SMYD3: variants seen among roughly 807,000 people sequenced by gnomAD.
The protein encoded by SMYD3 is histone-lysine N-methyltransferase SMYD3.
SMYD3 carries 36 observed loss-of-function variants against 57.7 expected under a neutral mutation model. The observed-to-expected ratio is 0.62, with a 90% confidence interval of 0.48 to 0.82. The LOEUF is 0.82. SMYD3 is among the 40% of genes least tolerant of loss of function. The pLI, the probability that SMYD3 is intolerant of heterozygous loss-of-function variation, is 0.00. For synonymous variants in SMYD3, 211 were observed against 195.0 expected (o/e 1.08, Z -0.68); for missense variants, 515 against 538.8 (o/e 0.96, Z 0.44).
At chr1:246,366,506 G>A (rs968978820) in intron 1 of SMYD3, among the ~76,000 whole-genome samples, 1 of 151,640 alleles carries the variant, frequency 6.6e-6, no homozygotes, top group South Asian at 2.1e-4. Context: ...GGGCAGCAGT[G>A]AGAGGGAACA....
chr1:246,299,541 C>A (rs2064856068), intron 5 of SMYD3, among the ~76,000 whole-genome samples: 1 of 152,110 alleles, frequency 6.6e-6, no homozygotes, highest in African/African-American at 2.4e-5. Flanking sequence ...ACATGCACAT[C>A]TATGTTCATC....
At chr1:246,250,913 A>G (rs934595773) in intron 5 of SMYD3, among the ~76,000 whole-genome samples, 1 of 152,184 alleles carries the variant, frequency 6.6e-6, no homozygotes, top group Non-Finnish European at 1.5e-5. Context: ...AATTTACTTC[A>G]CTCAATCCTA....
At chr1:246,499,737 T>G (rs955142649) in intron 1 of SMYD3, among the ~76,000 whole-genome samples, 2 of 152,172 alleles carry the variant, frequency 1.3e-5, no homozygotes, top group Middle Eastern at 3.2e-3. Context: ...ATTACAGGTG[T>G]GAGCCACCAC....
chr1:246,245,782 A>G (rs1245548588), intron 5 of SMYD3, among the ~76,000 whole-genome samples: 1 of 152,182 alleles, frequency 6.6e-6, no homozygotes, highest in Non-Finnish European at 1.5e-5. Context: ...GAACCACTAA[A>G]GGCCTTGTTC....
At chr1:246,421,162 T>A (rs180981519) in intron 1 of SMYD3, among the ~76,000 whole-genome samples, 3 of 152,338 alleles carry the variant, frequency 2.0e-5, no homozygotes, top group East Asian at 3.9e-4. Context: ...AAACAACAGA[T>A]GTTTAAGGAA....
At chr1:245,912,071 C>T (rs1179328104) in intron 8 of SMYD3, among the ~76,000 whole-genome samples, 1 of 152,000 alleles carries the variant, frequency 6.6e-6, no homozygotes. Context: ...ATCACATTGT[C>T]CTCCCTTTGC....
chr1:246,146,820 G>T (rs539908157), intron 5 of SMYD3, among the ~76,000 whole-genome samples: 2 of 152,278 alleles, frequency 1.3e-5, no homozygotes, highest in Admixed American at 1.3e-4. Flanking sequence ...TGGCAGAAGA[G>T]AAGAAAGAAA....
chr1:246,134,864 T>C (rs1052435358), intron 5 of SMYD3, among the ~76,000 whole-genome samples: 4 of 151,942 alleles, frequency 2.6e-5, no homozygotes, highest in African/African-American at 9.7e-5. Context: ...ATATCTATTT[T>C]TAAAGTGTGC....
intron 1 of SMYD3, among the ~76,000 whole-genome samples, chr1:246,404,526 T>C (rs377574253): frequency 6.6e-6 from 1 of 152,172 alleles, no homozygotes; most frequent in East Asian, 1.9e-4. Context: ...TATGTCTATA[T>C]CTGCTTGCAG....
chr1:245,834,018 G>A (rs1317017695), intron 10 of SMYD3, among the ~76,000 whole-genome samples: 1 of 152,208 alleles, frequency 6.6e-6, no homozygotes, highest in Non-Finnish European at 1.5e-5. Flanking sequence ...ACATCCTGCA[G>A]TAACCTTATT....
Position 246,505,908 on chromosome 1 carries a change from CA to C in SMYD3, c.164+1145del, listed in dbSNP as rs1158880478. 2.0e-5 allele frequency among the ~76,000 whole-genome samples: 3 copies of C among 152,190 alleles called. No individual in the cohort carries two copies. In the East Asian group the frequency reaches 5.8e-4, roughly 29 times the overall value. The stretch of plus-strand genomic sequence containing the variant: ...GAATTGTTTTCAACCACACAGTTTA[CA>C]AAAACTTCAAGATGCTGCTCTCTCC... On this transcript the variant is annotated intron_variant, in intron 1 of 11. Transcript: ENST00000490107.
At chr1:246,266,722 G>A (rs1180431097) in intron 5 of SMYD3, among the ~76,000 whole-genome samples, 4 of 152,106 alleles carry the variant, frequency 2.6e-5, no homozygotes, top group Admixed American at 6.5e-5. Context: ...ACTGGGACCC[G>A]GGAGGTGGAG....
chr1:245,907,108 G>A (rs2054617764), intron 8 of SMYD3, among the ~76,000 whole-genome samples: 1 of 152,102 alleles, frequency 6.6e-6, no homozygotes, highest in Middle Eastern at 3.2e-3. Context: ...TGGTTAATGG[G>A]GACAACAGAA....
At chr1:245,813,022 T>A (rs2048572402) in intron 10 of SMYD3, among the ~76,000 whole-genome samples, 1 of 125,262 alleles carries the variant, frequency 8.0e-6, no homozygotes, top group Admixed American at 8.6e-5. Context: ...TTTTTTTTTT[T>A]TTTTTTTTTT....
chr1:245,823,351 GCTCTCGCTCT>G (rs1443072666), intron 10 of SMYD3, among the ~76,000 whole-genome samples: 1 of 65,072 alleles, frequency 1.5e-5, no homozygotes, highest in African/African-American at 2.9e-5. Flanking sequence ...GTGCTTGCTC[GCTCTCGCTCT>G]CTCTCTCTCT....
intron 5 of SMYD3, chr1:246,326,204 C>A: frequency 6.8e-6 from 3 of 439,390 alleles, no homozygotes; most frequent in East Asian, 3.5e-5. Flanking sequence ...CGTGTGCTTA[C>A]AAATTACAAA....
chr1:246,222,153 T>G (rs1047412279), intron 5 of SMYD3, among the ~76,000 whole-genome samples: 1 of 152,160 alleles, frequency 6.6e-6, no homozygotes, highest in Non-Finnish European at 1.5e-5. Flanking sequence ...ATATCCACTG[T>G]TGTATTCAGA....
intron 5 of SMYD3, among the ~76,000 whole-genome samples, chr1:245,932,236 T>G (rs1260310680): frequency 2.0e-5 from 3 of 152,126 alleles, no homozygotes; most frequent in Non-Finnish European, 4.4e-5. Flanking sequence ...TGAAGCAAAT[T>G]AACGGTTTTT....
At chr1:245,758,510 A>G (rs1572255415) in intron 11 of SMYD3, among the ~76,000 whole-genome samples, 4 of 152,008 alleles carry the variant, frequency 2.6e-5, no homozygotes, top group African/African-American at 9.6e-5. Context: ...CTTTTTCTTC[A>G]GTATTTTTTT....
Sources: gnomAD v4.1 joint callset for allele counts (sites outside exome capture counted in the v4.1 genomes callset) on GRCh38, gnomAD v4.1.1 for gene constraint, MANE v1.5 for transcripts, NCBI Gene and HGNC (gene_info 2026-07-23, HGNC 2026-07-21) for gene names.